Variants in EFNA2 observed in about 807,000 individuals in gnomAD.
EFNA2 encodes the protein ephrin A2.
Under a neutral mutation model 19.7 loss-of-function variants are expected in EFNA2, and 18 were observed. The observed-to-expected ratio is 0.91, with a 90% CI of 0.63 to 1.35. The LOEUF is 1.35. Among genes scored for constraint, EFNA2 ranks in the 40% most tolerant of loss-of-function variants. The pLI is 0.00. For missense variants in EFNA2, 303 were observed against 296.0 expected (o/e 1.02, Z -0.17); for synonymous variants, 187 against 137.8 (o/e 1.36, Z -2.50).
chr19:1,292,856 G>A (rs1009533746), intron 1 of EFNA2, among the ~76,000 whole-genome samples: 8 of 152,174 alleles, frequency 5.3e-5, no homozygotes, highest in Admixed American at 2.6e-4. Flanking sequence ...GCACCTGGCC[G>A]CTCAGCCACA....
chr19:1,291,235 G>A (rs1481988507), intron 1 of EFNA2, among the ~76,000 whole-genome samples: 2 of 152,178 alleles, frequency 1.3e-5, no homozygotes, highest in East Asian at 3.9e-4. Flanking sequence ...AAGCCCAGGT[G>A]GGGCTGACCC....
rs111328677 is a variant in EFNA2, at chr19:1,297,842, C to T, written c.455-709C>T. ...ATCCCAGCACTTTGGGAGGCCGAGGCGGGTGGATCACCTGAGGTCAGGAGT... is the reference window on the plus strand; with the variant it reads ...ATCCCAGCACTTTGGGAGGCCGAGGTGGGTGGATCACCTGAGGTCAGGAGT... On this transcript the variant is annotated intron_variant, in intron 2 of 3. Coordinates refer to ENST00000215368, the MANE Select transcript of EFNA2 (RefSeq NM_001405.4). This position sits in a 1 kb window ranked among gnomAD's most constrained non-coding sequence, Gnocchi z 5.0. 2.9e-4 allele frequency among the ~76,000 whole-genome samples: 44 copies of T among 152,074 alleles called. No homozygotes were observed. Among genetic ancestry groups the T allele is most frequent in the African/African-American group, 9.9e-4 (41 of 41,474 alleles).
At position 1,300,941 on chromosome 19, in the gene EFNA2, C is replaced by T. The variant is rs1267081071; in HGVS notation, c.*996C>T. On this transcript the variant is annotated 3_prime_UTR_variant, in exon 4 of 4. Transcript: ENST00000215368. ...ACGGACTGGACCGTCTATGTTTTTT[C>T]AGCCCTTCATAGGGGGTCTTTTATT... Among the ~76,000 whole-genome samples the T allele has an allele frequency of 6.6e-6, 1 of 151,362 alleles. No individual in the cohort carries two copies. Among genetic ancestry groups the T allele is most frequent in the Non-Finnish European group, 1.5e-5 (1 of 67,924 alleles).
At chr19:1,289,611 G>A (rs1050961038) in intron 1 of EFNA2, among the ~76,000 whole-genome samples, 8 of 152,230 alleles carry the variant, frequency 5.3e-5, no homozygotes, top group Non-Finnish European at 1.2e-4. Context: ...GCAGCCTTGG[G>A]GGCACTGGGT....
Position 1,296,256 on chromosome 19 carries a change from C to T in EFNA2, c.454+398C>T, listed in dbSNP as rs2081515230. 6.6e-6 allele frequency among the ~76,000 whole-genome samples: 1 copy of T among 152,170 alleles called. No individual in the cohort carries two copies. The highest frequency in any genetic ancestry group is 2.4e-5 in the African/African-American group (1 of 41,432). On this transcript the variant is annotated intron_variant, in intron 2 of 3. Transcript: ENST00000215368. The surrounding 1 kb of genome is among the most constrained non-coding windows in gnomAD (Gnocchi z 4.4). Reference sequence around the variant, plus strand: ...GTGATCTCGGGCCTCCAGCTCAGACCACTTGGTGGTTGGGCCAGTAGACCT... The same window carrying T: ...GTGATCTCGGGCCTCCAGCTCAGACTACTTGGTGGTTGGGCCAGTAGACCT...
chr19:1,299,482 G>T (rs1160462968), intron 3 of EFNA2, among the ~76,000 whole-genome samples: 1 of 151,980 alleles, frequency 6.6e-6, no homozygotes, highest in African/African-American at 2.4e-5. Flanking sequence ...CCTGAACCCG[G>T]GAGGCGGAGG....
intron 1 of EFNA2, among the ~76,000 whole-genome samples, chr19:1,292,796 T>C (rs1411592423): frequency 1.3e-5 from 2 of 152,056 alleles, no homozygotes; most frequent in Non-Finnish European, 2.9e-5. Context: ...GCTTGGGATA[T>C]GGGGAGGCTG....
Position 1,286,402 on chromosome 19 carries a change from C to G in EFNA2, c.140+94C>G, listed in dbSNP as rs954890882. The G allele has an allele frequency of 7.7e-5, 39 of 506,226 alleles. No individual in the cohort carries two copies. Among genetic ancestry groups the G allele is most frequent in the Non-Finnish European group, 9.4e-5 (37 of 395,050 alleles). The allele number at this position is 506,226 out of a possible 1,614,324, so 31.4% of individuals were successfully genotyped here. On this transcript the variant is annotated intron_variant, in intron 1 of 3. Transcript: ENST00000215368. This position sits in a 1 kb window ranked among gnomAD's most constrained non-coding sequence, Gnocchi z 5.6. ...CGCCCCCGGAGCTCCGGGCGCCCCCCACGCGCGCGCCGCCGCCGGGATGCG... is the reference window on the plus strand; with the variant it reads ...CGCCCCCGGAGCTCCGGGCGCCCCCGACGCGCGCGCCGCCGCCGGGATGCG...
chr19:1,295,474 T>C lies in EFNA2; in HGVS notation c.141-71T>C. On this transcript the variant is annotated intron_variant, in intron 1 of 3. Coordinates refer to ENST00000215368, the MANE Select transcript of EFNA2 (RefSeq NM_001405.4). The surrounding 1 kb of genome is among the most constrained non-coding windows in gnomAD (Gnocchi z 5.8). ...TGCTCCTGTCCCCTGACCCTGGCCC[T>C]CCCCGCGCACCCCGACCCGTGCCCC... 1 of 1,403,356 alleles carries C rather than the reference T, an allele frequency of 7.1e-7. No individual in the cohort carries two copies. The highest frequency in any genetic ancestry group is 9.3e-7 in the Non-Finnish European group (1 of 1,074,304). 86.9% of individuals were successfully genotyped at this position (1,403,356 alleles called of 1,614,324 possible).
chr19:1,286,833 C>T lies in EFNA2; in HGVS notation c.140+525C>T, dbSNP rs966554212. Among the ~76,000 whole-genome samples, 4 of 152,230 alleles carry T rather than the reference C, an allele frequency of 2.6e-5. No individual in the cohort carries two copies. Among genetic ancestry groups the T allele is most frequent in the Non-Finnish European group, 5.9e-5 (4 of 68,036 alleles). ...GGAGTGTCCCTCCCTCAGGACCCAG[C>T]ATCTGCTTCACTCCAGGGGGCCAAG... On this transcript the variant is annotated intron_variant, in intron 1 of 3. Transcript: ENST00000215368. This position sits in a 1 kb window ranked among gnomAD's most constrained non-coding sequence, Gnocchi z 5.6.
chr19:1,297,825 A>G lies in EFNA2; in HGVS notation c.455-726A>G, dbSNP rs1465881991. Among the ~76,000 whole-genome samples the G allele has an allele frequency of 6.6e-6, 1 of 152,138 alleles. No individual in the cohort carries two copies. The highest frequency in any genetic ancestry group is 1.5e-5 in the Non-Finnish European group (1 of 68,016). ...GGTGGCTCACGCCTGTAATCCCAGC[A>G]CTTTGGGAGGCCGAGGCGGGTGGAT... On this transcript the variant is annotated intron_variant, in intron 2 of 3. Transcript: ENST00000215368. The surrounding 1 kb of genome is among the most constrained non-coding windows in gnomAD (Gnocchi z 5.0).
At position 1,286,218 on chromosome 19, in the gene EFNA2, C is replaced by G. The variant is rs946107832; in HGVS notation, c.50C>G (p.Pro17Arg). 5 of 1,112,708 alleles carry G rather than the reference C, an allele frequency of 4.5e-6. No homozygotes were observed. Among genetic ancestry groups the G allele is most frequent in the African/African-American group, 1.7e-5 (1 of 58,672 alleles). The allele number at this position is 1,112,708 out of a possible 1,614,324, so 68.9% of individuals were successfully genotyped here. A position where few individuals can be genotyped will look rare whatever the true frequency, so the allele number is the denominator to read the frequency against. ...PLLPLLLLLL[P>R]LPPPPFARAE... ...CTCCCGCTGCTGCTCCTGCTGTTACCGCTGCCGCCGCCGCCCTTCGCGCGC... is the reference window on the plus strand; with the variant it reads ...CTCCCGCTGCTGCTCCTGCTGTTACGGCTGCCGCCGCCGCCCTTCGCGCGC... Residue 17 changes from proline (P) to arginine (R), a missense_variant, in exon 1 of 4, where the codon CCG becomes CGG. Transcript: ENST00000215368. The surrounding 1 kb of genome is among the most constrained non-coding windows in gnomAD (Gnocchi z 5.6).
chr19:1,295,366 G>A lies in EFNA2; in HGVS notation c.141-179G>A, dbSNP rs2081508938. 1.4e-5 allele frequency among the ~76,000 whole-genome samples: 2 copies of A among 146,688 alleles called. No homozygotes were observed. Among genetic ancestry groups the A allele is most frequent in the South Asian group, 4.3e-4 (2 of 4,606 alleles). On this transcript the variant is annotated intron_variant, in intron 1 of 3. Coordinates refer to ENST00000215368, the MANE Select transcript of EFNA2 (RefSeq NM_001405.4). The surrounding 1 kb of genome is among the most constrained non-coding windows in gnomAD (Gnocchi z 5.8). ...CCCGTGCCCCATGCACCTGTCCCCTGACCCTGTCCCCCCTGGCGCACCCTG... is the reference window on the plus strand; with the variant it reads ...CCCGTGCCCCATGCACCTGTCCCCTAACCCTGTCCCCCCTGGCGCACCCTG...
In EFNA2 at chr19:1,300,016, C is replaced by A; in HGVS notation, c.*71C>A. 1 of 1,500,824 alleles carries A rather than the reference C, an allele frequency of 6.7e-7. No homozygotes were observed. 93.0% of individuals were successfully genotyped at this position (1,500,824 alleles called of 1,614,324 possible). A position where few individuals can be genotyped will look rare whatever the true frequency, so the allele number is the denominator to read the frequency against. ...GACCGCCTGACCTCGGCCCTCCGGA[C>A]CCGGCTGCGGCCCCCGCCTCCGAGA... is the stretch of plus-strand genomic sequence containing the variant. On this transcript the variant is annotated 3_prime_UTR_variant, in exon 4 of 4. Transcript: ENST00000215368.
rs754480133 is a variant in EFNA2 at position 1,286,909 on chromosome 19, C to T, written c.140+601C>T. 6.6e-6 allele frequency among the ~76,000 whole-genome samples: 1 copy of T among 152,156 alleles called. No homozygotes were observed. The highest frequency in any genetic ancestry group is 2.4e-5 in the African/African-American group (1 of 41,450). ...GGGCCGGGGAGCTGGGGGTCAGCCC[C>T]GGGAGGGGCAGTGGGATGGAGTCCT... On this transcript the variant is annotated intron_variant, in intron 1 of 3. Transcript: ENST00000215368. The surrounding 1 kb of genome is among the most constrained non-coding windows in gnomAD (Gnocchi z 5.6).
At chr19:1,298,386 A>AG (rs34228130) in intron 2 of EFNA2, among the ~76,000 whole-genome samples, 165 bp from the exon 3 acceptor site, 1 of 150,700 alleles carries the variant, frequency 6.6e-6, no homozygotes, top group Non-Finnish European at 1.5e-5. Context: ...GCTGGGAAAC[A>AG]GGGGGCATTG....
intron 1 of EFNA2, among the ~76,000 whole-genome samples, chr19:1,288,445 G>A (rs1314328656): frequency 6.6e-6 from 1 of 152,110 alleles, no homozygotes; most frequent in East Asian, 1.9e-4. Context: ...TGGGCTGGCC[G>A]GGGAGGGATG....
At chr19:1,298,684 G>C in intron 3 of EFNA2, 68 bp downstream of exon 3, 2 of 1,567,798 alleles carry the variant, frequency 1.3e-6, no homozygotes, top group Non-Finnish European at 1.7e-6. Flanking sequence ...CAGAACCAGT[G>C]AGTGTTCAGA....
At chr19:1,298,450 G>T (rs2144625023) in intron 2 of EFNA2, 101 bp from the exon 3 acceptor site, 2 of 1,215,196 alleles carry the variant, frequency 1.6e-6, no homozygotes, top group East Asian at 2.5e-5. Flanking sequence ...CTCCACCTGG[G>T]GTCAGGGTTG....
Sources: allele counts gnomAD v4.1 joint callset (sites outside exome capture counted in the v4.1 genomes callset), GRCh38; gene constraint gnomAD v4.1.1; non-coding constraint Gnocchi (gnomAD v3.1); transcripts MANE v1.5; gene names NCBI Gene and HGNC (gene_info 2026-07-23, HGNC 2026-07-21).